The following SETBP1 variants were observed in gnomAD, a reference collection of about 807,000 sequenced individuals.
The protein encoded by SETBP1 is SET-binding protein.
Under a neutral mutation model 101.0 loss-of-function variants are expected in SETBP1, and 9 were observed. The observed-to-expected ratio is 0.09, with a 90% CI of 0.05 to 0.16. The LOEUF is 0.16. Among genes scored for constraint, SETBP1 ranks in the 10% least tolerant of loss-of-function variants. The probability of loss-of-function intolerance (pLI) is 1.00; values close to 1 mark genes in which losing one functional copy is unlikely to be tolerated. For synonymous variants in SETBP1, 818 were observed against 788.5 expected, an observed-to-expected ratio of 1.04 and a Z score of -0.63; for missense variants, 1,858 against 2,033.8, an observed-to-expected ratio of 0.91 and a Z score of 1.66.
chr18:44,946,839 A>G (rs1443908428), intron 3 of SETBP1, among the ~76,000 whole-genome samples: 1 of 152,218 alleles, frequency 6.6e-6, no homozygotes, highest in Non-Finnish European at 1.5e-5. Context: ...CTAGCAGTAT[A>G]AAGACTGTGA....
intron 1 of SETBP1, among the ~76,000 whole-genome samples, chr18:44,682,958 C>A (rs1190615948): frequency 6.6e-6 from 1 of 151,374 alleles, no homozygotes; most frequent in East Asian, 2.0e-4. Context: ...GAAAGGGACT[C>A]GTCTCTCTTA....
chr18:44,889,931 A>G (rs2069730126), intron 3 of SETBP1, among the ~76,000 whole-genome samples: 2 of 152,158 alleles, frequency 1.3e-5, no homozygotes, highest in Non-Finnish European at 2.9e-5. Flanking sequence ...AAATTCAGTC[A>G]GCATTTTTGT....
intron 2 of SETBP1, among the ~76,000 whole-genome samples, chr18:44,727,632 G>A (rs940644616): frequency 1.3e-5 from 2 of 152,108 alleles, no homozygotes; most frequent in African/African-American, 4.8e-5. Flanking sequence ...TCTTCACCAA[G>A]CTCTCAAAAC....
intron 5 of SETBP1, among the ~76,000 whole-genome samples, chr18:45,048,745 G>A (rs1397503171): frequency 1.3e-5 from 2 of 151,474 alleles, no homozygotes; most frequent in Non-Finnish European, 2.9e-5. Flanking sequence ...GGCCGAGGCG[G>A]GTGGATCATG....
At chr18:44,696,080 T>A (rs1212514883) in intron 1 of SETBP1, among the ~76,000 whole-genome samples, 1 of 152,106 alleles carries the variant, frequency 6.6e-6, no homozygotes, top group Non-Finnish European at 1.5e-5. Flanking sequence ...GGGAGGTGAA[T>A]AAATGATGCT....
intron 2 of SETBP1, among the ~76,000 whole-genome samples, chr18:44,730,073 GCAGA>G (rs1387577254): frequency 6.6e-6 from 1 of 152,228 alleles, no homozygotes; most frequent in African/African-American, 2.4e-5. Context: ...TGGAACATCT[GCAGA>G]AGCCTAGAGT....
In SETBP1 at chr18:44,705,737, C is replaced by T. The variant is rs568485411; in HGVS notation, c.486+3905C>T. Among the ~76,000 whole-genome samples the T allele has an allele frequency of 8.3e-4, 126 of 152,264 alleles. 1 individual carries two copies. Among genetic ancestry groups the T allele is most frequent in the African/African-American group, 2.9e-3 (119 of 41,554 alleles). On this transcript the variant is annotated intron_variant, in intron 2 of 5. Transcript: ENST00000649279. Reference sequence around the variant, plus strand: ...GATGTTAACTCTAGTTATACATGGTCCACTGCTTTGGGATGAAGGCATATA... The same window carrying T: ...GATGTTAACTCTAGTTATACATGGTTCACTGCTTTGGGATGAAGGCATATA...
chr18:44,869,758 T>G, intron 3 of SETBP1: 1 of 246,790 alleles, frequency 4.1e-6, no homozygotes, highest in South Asian at 5.6e-5. Context: ...CTGATCTTGG[T>G]CAGGAAATGG....
At chr18:44,784,826 C>G (rs993443495) in intron 2 of SETBP1, among the ~76,000 whole-genome samples, 34 of 152,190 alleles carry the variant, frequency 2.2e-4, no homozygotes, top group Non-Finnish European at 4.6e-4. Flanking sequence ...TTCAGTCTCT[C>G]AACTCTTAGT....
Position 45,065,466 on chromosome 18 carries a change from C to T in SETBP1, c.*1768C>T, listed in dbSNP as rs901191236. On this transcript the variant is annotated 3_prime_UTR_variant, in exon 6 of 6. Coordinates refer to ENST00000649279, the MANE Select transcript of SETBP1 (RefSeq NM_015559.3). Reference sequence around the variant, plus strand: ...CCAGCTGGAAATTGTATTATCATTTCGGAACACAATATTACTTCCTTAGAG... The same window carrying T: ...CCAGCTGGAAATTGTATTATCATTTTGGAACACAATATTACTTCCTTAGAG... 7 of 152,140 alleles carry T rather than the reference C, an allele frequency of 4.6e-5. No homozygotes were observed. Among genetic ancestry groups the T allele is most frequent in the Admixed American group, 6.5e-5 (1 of 15,278 alleles). The allele number at this position is 152,140 out of a possible 1,614,324, so 9.4% of individuals were successfully genotyped here.
Position 44,952,859 on chromosome 18 carries a change from T to G in SETBP1, c.3519T>G (p.Leu1173=). 6.2e-7 allele frequency: 1 copy of G among 1,614,080 alleles called. No homozygotes were observed. The highest frequency in any genetic ancestry group is 8.5e-7 in the Non-Finnish European group (1 of 1,180,024). The part of the protein sequence containing the change: ...ILGTHDNLSG[L]FAGKATGFSS... The stretch of plus-strand genomic sequence containing the variant: ...GGACCCATGACAACCTGAGTGGTCT[T>G]TTTGCAGGCAAAGCCACAGGCTTCT... Residue 1173 remains leucine (L), a synonymous_variant, in exon 4 of 6, where the codon CTT becomes CTG. Coordinates refer to ENST00000649279, the MANE Select transcript of SETBP1 (RefSeq NM_015559.3).
chr18:44,899,117 C>T (rs1402034849), intron 3 of SETBP1, among the ~76,000 whole-genome samples: 7 of 152,040 alleles, frequency 4.6e-5, no homozygotes, highest in African/African-American at 1.4e-4. Flanking sequence ...TTTTTTGTTC[C>T]TTTTGTAGAG....
chr18:44,840,643 T>A (rs941874849), intron 2 of SETBP1, among the ~76,000 whole-genome samples: 1 of 152,056 alleles, frequency 6.6e-6, no homozygotes. Flanking sequence ...GCATCTGGAG[T>A]AATGAGAGGG....
intron 5 of SETBP1, among the ~76,000 whole-genome samples, chr18:45,062,323 CT>C: frequency 6.6e-6 from 1 of 152,198 alleles, no homozygotes; most frequent in Non-Finnish European, 1.5e-5. Context: ...TCAGAAACAC[CT>C]GGCTGATACT....
At chr18:45,005,838 G>C (rs894884270) in intron 4 of SETBP1, among the ~76,000 whole-genome samples, 3 of 151,304 alleles carry the variant, frequency 2.0e-5, no homozygotes, top group Non-Finnish European at 4.4e-5. Context: ...AGTAGAGACG[G>C]GGTTTCACTG....
intron 2 of SETBP1, among the ~76,000 whole-genome samples, chr18:44,788,451 T>C (rs556925229): frequency 6.6e-6 from 1 of 152,352 alleles, no homozygotes; most frequent in South Asian, 2.1e-4. Context: ...GTATTTTATC[T>C]TGATGGGGAC....
intron 4 of SETBP1, among the ~76,000 whole-genome samples, chr18:45,024,692 C>T (rs1458221027): frequency 1.3e-5 from 2 of 152,190 alleles, no homozygotes; most frequent in African/African-American, 4.8e-5. Flanking sequence ...TGGTTGGAAC[C>T]AACACAGACA....
At chr18:44,918,784 G>A (rs1453609547) in intron 3 of SETBP1, among the ~76,000 whole-genome samples, 3 of 152,198 alleles carry the variant, frequency 2.0e-5, no homozygotes, top group African/African-American at 7.2e-5. Flanking sequence ...GAGAATTTGT[G>A]TTCTAGTTAT....
chr18:44,979,194 C>A (rs1324119989), intron 4 of SETBP1, among the ~76,000 whole-genome samples: 1 of 152,180 alleles, frequency 6.6e-6, no homozygotes, highest in Non-Finnish European at 1.5e-5. Context: ...AGGGGCCCAA[C>A]CCACCGAATC....
Sources: gnomAD v4.1 joint callset for allele counts (sites outside exome capture counted in the v4.1 genomes callset) on GRCh38, gnomAD v4.1.1 for gene constraint, MANE v1.5 for transcripts, NCBI Gene and HGNC (gene_info 2026-07-23, HGNC 2026-07-21) for gene names.